Variants in ARHGAP24 observed in about 807,000 individuals in gnomAD.
ARHGAP24 encodes rho GTPase-activating protein 24.
A neutral mutation model predicts 76.4 loss-of-function variants in ARHGAP24; 50 were observed. The observed-to-expected ratio is 0.65, with a 90% CI of 0.52 to 0.83. The LOEUF (loss-of-function observed/expected upper bound fraction) is 0.83, where lower values mean the gene tolerates loss of function less well. Ranked by LOEUF, ARHGAP24 falls within the 40% of genes least tolerant of loss-of-function variation. ARHGAP24 has a pLI of 0.00. For missense variants in ARHGAP24, 930 were observed against 914.2 expected (o/e 1.02, Z -0.22); for synonymous variants, 345 against 323.3 (o/e 1.07, Z -0.72).
chr4:85,860,010 A>G (rs184459179), intron 3 of ARHGAP24, among the ~76,000 whole-genome samples: 268 of 152,260 alleles, frequency 1.8e-3, no homozygotes, highest in African/African-American at 6.3e-3. Flanking sequence ...AGCAGCCTTA[A>G]TATTTAATGC....
intron 1 of ARHGAP24, among the ~76,000 whole-genome samples, chr4:85,507,277 A>G (rs1229200653): frequency 6.6e-6 from 1 of 152,020 alleles, no homozygotes; most frequent in African/African-American, 2.4e-5. Context: ...GCTGGAGTGC[A>G]GTGGTGCGAT....
chr4:85,583,781 G>A (rs1267134232), intron 2 of ARHGAP24, among the ~76,000 whole-genome samples: 2 of 149,428 alleles, frequency 1.3e-5, no homozygotes, highest in African/African-American at 4.9e-5. Flanking sequence ...AGTGGGCAAA[G>A]GACATGAATA....
At chr4:85,622,848 T>G (rs572765341) in intron 2 of ARHGAP24, among the ~76,000 whole-genome samples, 3,530 of 152,360 alleles carry the variant, frequency 0.023, 134 homozygotes, top group African/African-American at 0.081. Context: ...TGATGGCCAG[T>G]GATGATGAGC....
chr4:85,796,759 G>A (rs2110100203), intron 3 of ARHGAP24, among the ~76,000 whole-genome samples: 1 of 152,204 alleles, frequency 6.6e-6, no homozygotes, highest in Non-Finnish European at 1.5e-5. Flanking sequence ...GCTCATACCC[G>A]AGGCTGAGAT....
At chr4:85,516,542 A>G (rs878936778) in intron 1 of ARHGAP24, among the ~76,000 whole-genome samples, 5 of 151,998 alleles carry the variant, frequency 3.3e-5, no homozygotes, top group African/African-American at 9.7e-5. Context: ...TCTTATTTTG[A>G]GAATTGCATA....
At chr4:85,577,228 AG>A (rs966799299) in intron 2 of ARHGAP24, among the ~76,000 whole-genome samples, 34 of 147,932 alleles carry the variant, frequency 2.3e-4, no homozygotes, top group African/African-American at 7.4e-4. Context: ...TATATATCAT[AG>A]GAAAAAAAAA....
At position 85,918,560 on chromosome 4, in the gene ARHGAP24, A is replaced by G. The variant is rs181163281; in HGVS notation, c.269-5088A>G. ...TTTAGAATTAACTATGCATTATTTTATGTTGATTTCTTTAACCTACCTTTT... is the reference window on the plus strand; with the variant it reads ...TTTAGAATTAACTATGCATTATTTTGTGTTGATTTCTTTAACCTACCTTTT... On this transcript the variant is annotated intron_variant, in intron 3 of 9. Transcript: ENST00000395184. 5.2e-3 allele frequency among the ~76,000 whole-genome samples: 792 copies of G among 152,188 alleles called. 9 individuals are homozygous for G. The highest frequency in any genetic ancestry group is 0.017 in the South Asian group (81 of 4,826).
At chr4:85,817,689 G>A (rs920469589) in intron 3 of ARHGAP24, among the ~76,000 whole-genome samples, 1 of 152,156 alleles carries the variant, frequency 6.6e-6, no homozygotes. Flanking sequence ...GTACAGTGAA[G>A]GTAATCCTTT....
chr4:85,983,939 T>C (rs528835667), intron 8 of ARHGAP24, among the ~76,000 whole-genome samples: 7 of 152,348 alleles, frequency 4.6e-5, no homozygotes, highest in Non-Finnish European at 8.8e-5. Flanking sequence ...AAATATGTCT[T>C]AATTTATCAT....
At chr4:85,708,938 C>T (rs182135802) in intron 2 of ARHGAP24, among the ~76,000 whole-genome samples, 15 of 152,120 alleles carry the variant, frequency 9.9e-5, no homozygotes, top group South Asian at 6.2e-4. Flanking sequence ...TCTCTATGTT[C>T]GTTTAAGTAT....
intron 3 of ARHGAP24, among the ~76,000 whole-genome samples, chr4:85,919,564 T>A (rs760067108): frequency 6.6e-6 from 1 of 152,140 alleles, no homozygotes; most frequent in African/African-American, 2.4e-5. Flanking sequence ...GATCCATAGA[T>A]GAAATTCACA....
chr4:85,967,362 T>G (rs929793012), intron 5 of ARHGAP24, among the ~76,000 whole-genome samples: 1 of 152,140 alleles, frequency 6.6e-6, no homozygotes, highest in African/African-American at 2.4e-5. Context: ...AGCATGAGGC[T>G]GTGCACATCA....
In ARHGAP24 at chr4:85,682,167, T is replaced by C. The variant is rs563795672; in HGVS notation, c.181-39718T>C. Among the ~76,000 whole-genome samples the C allele has an allele frequency of 3.9e-5, 6 of 152,250 alleles. No homozygotes were observed. In the South Asian group the frequency reaches 1.2e-3, roughly 32 times the overall value. ...GCTCAGCTGGACAGTGTCCTCTAAG[T>C]GTTAGTATGAGCAATCCACTGCCAT... On this transcript the variant is annotated intron_variant, in intron 2 of 9. Transcript: ENST00000395184.
chr4:85,858,065 C>T (rs749308662), intron 3 of ARHGAP24, among the ~76,000 whole-genome samples: 7 of 152,090 alleles, frequency 4.6e-5, no homozygotes, highest in Non-Finnish European at 1.0e-4. Context: ...ATAAGTTCTT[C>T]GTCACCATAA....
chr4:85,920,214 A>G (rs1735648367), intron 3 of ARHGAP24, among the ~76,000 whole-genome samples: 1 of 152,184 alleles, frequency 6.6e-6, no homozygotes, highest in Non-Finnish European at 1.5e-5. Context: ...CATAAATTTA[A>G]TATTTACAAC....
chr4:85,971,715 A>AT (rs781526824), intron 5 of ARHGAP24, among the ~76,000 whole-genome samples: 17 of 152,196 alleles, frequency 1.1e-4, no homozygotes, highest in Non-Finnish European at 2.2e-4. Context: ...GATCTTATAC[A>AT]TTCTACCTTA....
At chr4:85,566,428 A>ATGT (rs1726848240) in intron 1 of ARHGAP24, among the ~76,000 whole-genome samples, 1 of 152,234 alleles carries the variant, frequency 6.6e-6, no homozygotes, top group Non-Finnish European at 1.5e-5. Context: ...GGTTCTTTCA[A>ATGT]GTGTAATGAT....
rs116385503 is a variant in ARHGAP24, at chr4:85,961,500, G to T, written c.600-10536G>T. On this transcript the variant is annotated intron_variant, in intron 5 of 9. Transcript: ENST00000395184. The stretch of plus-strand genomic sequence containing the variant: ...TTTACTTTATTTATTTTTATTGGAA[G>T]AAAATATATTTTCTAGAAAAGAATA... Among the ~76,000 whole-genome samples the T allele has an allele frequency of 6.0e-3, 914 of 151,732 alleles. 7 individuals are homozygous for T. Among genetic ancestry groups the T allele is most frequent in the African/African-American group, 0.02 (823 of 41,366 alleles).
chr4:85,968,773 C>T (rs981703623), intron 5 of ARHGAP24, among the ~76,000 whole-genome samples: 18 of 151,968 alleles, frequency 1.2e-4, no homozygotes, highest in African/African-American at 2.7e-4. Context: ...TAGAAAAATG[C>T]AGAACTCTCT....
Sources: gnomAD v4.1 joint callset for allele counts (sites outside exome capture counted in the v4.1 genomes callset) on GRCh38, gnomAD v4.1.1 for gene constraint, MANE v1.5 for transcripts, NCBI Gene and HGNC (gene_info 2026-07-23, HGNC 2026-07-21) for gene names.